The following CRYBG2 variants were observed in gnomAD, a reference collection of about 807,000 sequenced individuals.
CRYBG2 encodes crystallin beta-gamma domain containing 2, also known as beta/gamma crystallin domain-containing protein 2.
In CRYBG2, 106 loss-of-function variants were observed where a neutral mutation model predicts 153.4. The observed-to-expected ratio is 0.69, with a 90% confidence interval of 0.59 to 0.81. CRYBG2 has a LOEUF of 0.81. Ranked by LOEUF, CRYBG2 falls within the 30% of genes least tolerant of loss-of-function variation. The probability of loss-of-function intolerance (pLI) is 0.00; values close to 1 mark genes in which losing one functional copy is unlikely to be tolerated. For synonymous variants in CRYBG2, 851 were observed against 877.8 expected (o/e 0.97, Z 0.54); for missense variants, 1,996 against 2,112.0 (o/e 0.95, Z 1.08).
In CRYBG2 at chr1:26,344,762, C is replaced by T; in HGVS notation, c.1896G>A (p.Glu632=). The T allele has an allele frequency of 1.3e-6, 2 of 1,536,186 alleles. No homozygotes were observed. Among genetic ancestry groups the T allele is most frequent in the African/African-American group, 1.4e-5 (1 of 73,172 alleles). The change falls in exon 2 of 20, where the codon GAG becomes GAA. Residue 632 remains glutamate, a synonymous_variant. Transcript: ENST00000308182. The part of the protein sequence containing the change: ...APAALSPKST[E]VVQGPKGSSS... ...TGCTGCCTTTTGGGCCCTGGACAAC[C>T]TCAGTTGACTTGGGGGACAAGGCAG...
chr1:26,350,405 T>C (rs1483208621), intron 1 of CRYBG2, among the ~76,000 whole-genome samples: 1 of 152,194 alleles, frequency 6.6e-6, no homozygotes, highest in Non-Finnish European at 1.5e-5. Flanking sequence ...CCTTGCTAAG[T>C]GCTTTAGATT....
Position 26,346,565 on chromosome 1 carries a change from C to A in CRYBG2, c.93G>T (p.Glu31Asp), listed in dbSNP as rs1174732132. ...TWRQRPPTQEEIKHGFHKVSL... is the reference protein window; with the variant it reads ...TWRQRPPTQEDIKHGFHKVSL... ...ACACCTTGTGAAAACCATGTTTGAT[C>A]TCTTCCTGGGTGGGGGGCCGCTGCC... Residue 31 changes from glutamate to aspartate, a missense_variant, in exon 2 of 20, where the codon GAG becomes GAT. Transcript: ENST00000308182. This position sits in a 1 kb window ranked among gnomAD's most constrained non-coding sequence, Gnocchi z 4.9. 4 of 1,607,998 alleles carry A rather than the reference C, an allele frequency of 2.5e-6. No individual in the cohort carries two copies. In the Admixed American group the frequency reaches 6.8e-5, roughly 27 times the overall value.
chr1:26,324,366 C>A, intron 17 of CRYBG2, 56 bp from the exon 18 acceptor site: 1 of 1,522,814 alleles, frequency 6.6e-7, no homozygotes, highest in Non-Finnish European at 8.8e-7. Context: ...GACCTGGGCC[C>A]CCAGTACCCT....
At chr1:26,348,680 C>G (rs2074253254) in intron 1 of CRYBG2, among the ~76,000 whole-genome samples, 1 of 151,882 alleles carries the variant, frequency 6.6e-6, no homozygotes, top group South Asian at 2.1e-4. Flanking sequence ...CTCAGCCTCC[C>G]GAGTAGCTGG....
Position 26,346,739 on chromosome 1 carries a change from T to G in CRYBG2, c.-55-27A>C. 11 of 1,406,080 alleles carry G rather than the reference T, an allele frequency of 7.8e-6. No individual in the cohort carries two copies. Among genetic ancestry groups the G allele is most frequent in the Non-Finnish European group, 1.0e-5 (11 of 1,059,918 alleles). 87.1% of individuals were successfully genotyped at this position (1,406,080 alleles called of 1,614,324 possible). ...TGCAGAGGAATAAGAAAGATGAGGG[T>G]CAGAGGGTGGTGAGAGTGGCTTCCT... On this transcript the variant is annotated intron_variant, in intron 1 of 19. Coordinates refer to ENST00000308182, the MANE Select transcript of CRYBG2 (RefSeq NM_001039775.4). This position sits in a 1 kb window ranked among gnomAD's most constrained non-coding sequence, Gnocchi z 4.9.
In CRYBG2 at chr1:26,346,612, C is replaced by T; in HGVS notation, c.46G>A (p.Val16Ile). The T allele has an allele frequency of 6.3e-7, 1 of 1,577,174 alleles. No individual in the cohort carries two copies. Among genetic ancestry groups the T allele is most frequent in the Non-Finnish European group, 8.6e-7 (1 of 1,161,088 alleles). ...TGCCGCCATGTCAATGTGGCACTTA[C>T]CACTCGGGCCTTGGCCCGGGCCATG... ...GPMARAKARV[V>I]SATLTWRQRP... The change falls in exon 2 of 20, where the codon GTA becomes ATA. Residue 16 changes from valine to isoleucine, a missense_variant. Transcript: ENST00000308182. This position sits in a 1 kb window ranked among gnomAD's most constrained non-coding sequence, Gnocchi z 4.9.
chr1:26,346,187 TG>T lies in CRYBG2; in HGVS notation c.470del (p.Pro157GlnfsTer3). On this transcript the variant is annotated frameshift_variant, in exon 2 of 20. Coordinates refer to ENST00000308182, the MANE Select transcript of CRYBG2 (RefSeq NM_001039775.4). LOFTEE classifies it high-confidence loss of function. The surrounding 1 kb of genome is among the most constrained non-coding windows in gnomAD (Gnocchi z 4.9). ...AGCTACCACTGGTGAGACCTACACC[TG>T]GGTGGGGACTTGGCTCTCGGGGCCC... ...LPGPREPSPH[P>X]GVGLTSGSSR... 1 of 1,571,374 alleles carries T rather than the reference TG, an allele frequency of 6.4e-7. No homozygotes were observed. Among genetic ancestry groups the T allele is most frequent in the South Asian group, 1.2e-5 (1 of 86,246 alleles).
rs1323949671 is a variant in CRYBG2 at position 26,324,214 on chromosome 1, C to T, written c.4675G>A (p.Ala1559Thr). The T allele has an allele frequency of 7.4e-6, 12 of 1,613,054 alleles. No individual in the cohort carries two copies. Among genetic ancestry groups the T allele is most frequent in the East Asian group, 2.2e-5 (1 of 44,872 alleles). Residue 1559 changes from alanine (A) to threonine (T), a missense_variant, in exon 18 of 20, where the codon GCC becomes ACC. Coordinates refer to ENST00000308182, the MANE Select transcript of CRYBG2 (RefSeq NM_001039775.4). ...CAGCTACCTCCAGCTTGGGGGTCGGCGACCACCACACGGCCTGCTTTCATG... is the reference window on the plus strand; with the variant it reads ...CAGCTACCTCCAGCTTGGGGGTCGGTGACCACCACACGGCCTGCTTTCATG... ...EDMKAGRVVV[A>T]DPQAGGSCIW...
Position 26,344,408 on chromosome 1 carries a change from C to G in CRYBG2, c.2250G>C (p.Glu750Asp), listed in dbSNP as rs1489061292. Residue 750 changes from glutamate to aspartate, a missense_variant, in exon 2 of 20, where the codon GAG (glutamate) becomes GAC (aspartate). Transcript: ENST00000308182. ...SDPTEGKTCT[E>D]TSREEDEVAL... The stretch of plus-strand genomic sequence containing the variant: ...CCACCTCATCCTCCTCCCTTGATGT[C>G]TCTGTGCACGTCTTGCCCTCGGTGG... 6.6e-7 allele frequency: 1 copy of G among 1,522,954 alleles called. No homozygotes were observed. Among genetic ancestry groups the G allele is most frequent in the South Asian group, 1.3e-5 (1 of 79,780 alleles). 94.3% of individuals were successfully genotyped at this position (1,522,954 alleles called of 1,614,324 possible). A position where few individuals can be genotyped will look rare whatever the true frequency, so the allele number is the denominator to read the frequency against.
intron 1 of CRYBG2, 57 bp downstream of exon 1, chr1:26,353,979 G>T: frequency 2.5e-6 from 1 of 399,348 alleles, no homozygotes; most frequent in South Asian, 1.3e-4. Context: ...AATAGGCAAA[G>T]TCTCAAGACA....
chr1:26,324,263 C>T lies in CRYBG2; in HGVS notation c.4626G>A (p.Leu1542=). ...TGTCCTCCACATGGTCCGGCACTGC[C>T]AGGAATCCCCCCAGTGCTGCATTCC... ...RLWNAALGGF[L]AVPDHVEDMK... Residue 1542 remains leucine, a synonymous_variant, in exon 18 of 20, where the codon CTG becomes CTA. Transcript: ENST00000308182. 1.2e-6 allele frequency: 2 copies of T among 1,611,882 alleles called. No homozygotes were observed. The highest frequency in any genetic ancestry group is 3.3e-5 in the Admixed American group (2 of 59,984).
intron 17 of CRYBG2, chr1:26,326,972 T>C: frequency 2.0e-6 from 1 of 502,590 alleles, no homozygotes; most frequent in Non-Finnish European, 4.0e-6. Flanking sequence ...CCTGCTTTCC[T>C]TATGCAGCAG....
At chr1:26,329,735 G>A (rs1021380839) in intron 15 of CRYBG2, among the ~76,000 whole-genome samples, 4 of 151,768 alleles carry the variant, frequency 2.6e-5, no homozygotes, top group African/African-American at 9.7e-5. Flanking sequence ...GCCTGCTGAA[G>A]TGCTATAATT....
intron 9 of CRYBG2, 26 bp downstream of exon 9, chr1:26,337,512 T>G: frequency 6.2e-7 from 1 of 1,609,910 alleles, no homozygotes; most frequent in East Asian, 2.2e-5. Flanking sequence ...GGTGATGAAA[T>G]AGAAGGAAGG....
intron 9 of CRYBG2, 23 bp from the exon 10 acceptor site, chr1:26,337,402 C>G (rs771286133): frequency 1.9e-6 from 3 of 1,610,940 alleles, no homozygotes; most frequent in Non-Finnish European, 1.7e-6. Context: ...GGAGGACAGA[C>G]AGGCAGGTTC....
At chr1:26,331,333 T>C (rs963887083) in intron 15 of CRYBG2, among the ~76,000 whole-genome samples, 156 bp downstream of exon 15, 31 of 152,202 alleles carry the variant, frequency 2.0e-4, no homozygotes, top group Non-Finnish European at 4.3e-4. Context: ...GCTAGCAAAC[T>C]AAACTGGCTT....
rs549881877 is a variant in CRYBG2, at chr1:26,344,348, C to T, written c.2310G>A (p.Thr770=). ...TCTCAGGGGGCTCCATGCTCCGCAG[C>T]GTATCCAGGAATATCTCCAGGTCAG... The part of the protein sequence containing the change: ...LAADLEIFLD[T]LRSMEPPEIL... Residue 770 remains threonine (T), a synonymous_variant, in exon 2 of 20, where the codon ACG becomes ACA. Transcript: ENST00000308182. 1.3e-5 allele frequency: 19 copies of T among 1,504,700 alleles called. No homozygotes were observed. Among genetic ancestry groups the T allele is most frequent in the Middle Eastern group, 1.7e-4 (1 of 5,762 alleles). 93.2% of individuals were successfully genotyped at this position (1,504,700 alleles called of 1,614,324 possible). A position where few individuals can be genotyped will look rare whatever the true frequency, so the allele number is the denominator to read the frequency against.
At chr1:26,331,991 T>C (rs1003864346) in intron 14 of CRYBG2, among the ~76,000 whole-genome samples, 2 of 152,034 alleles carry the variant, frequency 1.3e-5, no homozygotes, top group African/African-American at 2.4e-5. Context: ...TGTCCATCAA[T>C]AGGGGATTGG....
chr1:26,345,950 T>A lies in CRYBG2; in HGVS notation c.708A>T (p.Lys236Asn), dbSNP rs990554073. ...CAGCAGGCACGAGGTTACTTAGCACTTTCACGGCCTGGCTGCGGCTGGGCG... is the reference window on the plus strand; with the variant it reads ...CAGCAGGCACGAGGTTACTTAGCACATTCACGGCCTGGCTGCGGCTGGGCG... ...PGSPSRSQAV[K>N]VLSNLVPAGH... The change falls in exon 2 of 20, where the codon AAA (lysine) becomes AAT (asparagine). Residue 236 changes from lysine to asparagine, a missense_variant. Lys to Asn is a moderately conservative substitution (Grantham distance 94). Coordinates refer to ENST00000308182, the MANE Select transcript of CRYBG2 (RefSeq NM_001039775.4). 1 of 1,594,648 alleles carries A rather than the reference T, an allele frequency of 6.3e-7. No homozygotes were observed. Among genetic ancestry groups the A allele is most frequent in the Non-Finnish European group, 8.5e-7 (1 of 1,177,412 alleles).
Sources: gnomAD v4.1 joint callset for allele counts (sites outside exome capture counted in the v4.1 genomes callset) on GRCh38, gnomAD v4.1.1 for gene constraint, Gnocchi (gnomAD v3.1) non-coding constraint, MANE v1.5 for transcripts, NCBI Gene and HGNC (gene_info 2026-07-23, HGNC 2026-07-21) for gene names.